TMEM182: variants seen among roughly 807,000 people sequenced by gnomAD.
TMEM182 encodes transmembrane protein 182.
In TMEM182, 20 loss-of-function variants were observed where a neutral mutation model predicts 26.8. That is an observed-to-expected ratio of 0.75 (90% CI 0.53 to 1.09). The LOEUF is 1.09. TMEM182 is among the 50% of genes least tolerant of loss of function. TMEM182 has a pLI of 0.00. For missense variants in TMEM182, 277 were observed against 275.5 expected (o/e 1.01, Z -0.04); for synonymous variants, 109 against 102.2 (o/e 1.07, Z -0.40).
At chr2:102,739,067 C>G (rs770760392) in intron 1 of TMEM182, among the ~76,000 whole-genome samples, 13 of 152,166 alleles carry the variant, frequency 8.5e-5, no homozygotes, top group African/African-American at 2.7e-4. Flanking sequence ...TGCGATTGCT[C>G]TCTTTTGTAG....
chr2:102,831,766 A>AG (rs1359096622), intron 3 of TMEM182, among the ~76,000 whole-genome samples: 1 of 152,092 alleles, frequency 6.6e-6, no homozygotes, highest in Non-Finnish European at 1.5e-5. Flanking sequence ...AAAAAAAAAA[A>AG]AGAAAAAGAA....
intron 3 of TMEM182, among the ~76,000 whole-genome samples, chr2:102,790,492 C>G (rs1681589857): frequency 1.3e-5 from 2 of 152,218 alleles, no homozygotes; most frequent in Non-Finnish European, 2.9e-5. Flanking sequence ...GATTCCCATT[C>G]TGCCACTAGC....
intron 3 of TMEM182, among the ~76,000 whole-genome samples, chr2:102,784,224 G>A (rs1558769991): frequency 1.3e-5 from 2 of 152,058 alleles, no homozygotes; most frequent in African/African-American, 4.8e-5. Context: ...TCCCCACTGG[G>A]TAGACTAGTT....
At chr2:102,837,537 G>A (rs1683267978) in intron 3 of TMEM182, among the ~76,000 whole-genome samples, 2 of 150,544 alleles carry the variant, frequency 1.3e-5, no homozygotes, top group Non-Finnish European at 3.0e-5. Flanking sequence ...CAGTGCTGTG[G>A]GGGGTTCGGG....
chr2:102,802,176 AT>A (rs1558781278), intron 4 of TMEM182, among the ~76,000 whole-genome samples: 1 of 152,136 alleles, frequency 6.6e-6, no homozygotes, highest in East Asian at 1.9e-4. Flanking sequence ...GCAGAGCTAA[AT>A]TTTCTATGAC....
At chr2:102,797,380 CT>C (rs1681912706) in intron 3 of TMEM182, among the ~76,000 whole-genome samples, 1 of 152,090 alleles carries the variant, frequency 6.6e-6, no homozygotes, top group South Asian at 2.1e-4. Context: ...CTTGGGGTGA[CT>C]ATTATCAGCT....
chr2:102,805,479 C>A (rs1310790651), intron 4 of TMEM182, among the ~76,000 whole-genome samples: 1 of 152,160 alleles, frequency 6.6e-6, no homozygotes, highest in Non-Finnish European at 1.5e-5. Flanking sequence ...TTGTTGGAGA[C>A]ATTCTGGTTC....
At chr2:102,746,401 CA>C (rs1424269466) in intron 1 of TMEM182, among the ~76,000 whole-genome samples, 1 of 152,046 alleles carries the variant, frequency 6.6e-6, no homozygotes, top group African/African-American at 2.4e-5. Context: ...TTATTGATAT[CA>C]ATGTCCTTTG....
At chr2:102,802,445 G>A (rs1682183507) in intron 4 of TMEM182, among the ~76,000 whole-genome samples, 1 of 152,180 alleles carries the variant, frequency 6.6e-6, no homozygotes, top group South Asian at 2.1e-4. Context: ...TCAGTTCTGG[G>A]CAAAGTGTAG....
At chr2:102,797,114 G>T (rs974218311) in intron 3 of TMEM182, among the ~76,000 whole-genome samples, 3 of 152,056 alleles carry the variant, frequency 2.0e-5, no homozygotes, top group Non-Finnish European at 2.9e-5. Context: ...TTTCTTACCA[G>T]CTGTTTCCAT....
At chr2:102,810,795 A>G (rs1010882811) in intron 4 of TMEM182, among the ~76,000 whole-genome samples, 1 of 152,158 alleles carries the variant, frequency 6.6e-6, no homozygotes, top group African/African-American at 2.4e-5. Context: ...ATGTATGACC[A>G]AATTTAAATG....
chr2:102,759,312 C>T (rs1185267564), upstream of TMEM182, among the ~76,000 whole-genome samples: 5 of 152,200 alleles, frequency 3.3e-5, no homozygotes, highest in Admixed American at 3.3e-4. Context: ...AACTGTACAA[C>T]CACTGCAACC....
At position 102,816,166 on chromosome 2, in the gene TMEM182, C is replaced by G. The variant is rs958722312; in HGVS notation, c.*1198C>G. 9.1e-6 allele frequency: 9 copies of G among 985,242 alleles called. No individual in the cohort carries two copies. The highest frequency in any genetic ancestry group is 1.2e-4 in the Admixed American group (2 of 16,246). 61.0% of individuals were successfully genotyped at this position (985,242 alleles called of 1,614,324 possible). On this transcript the variant is annotated 3_prime_UTR_variant, in exon 5 of 5. Transcript: ENST00000412401. ...ATTTGGCACTAATGTTGATTGAAAT[C>G]AAATCCATCTGAGATGCCTAGCTCG...
In TMEM182 at chr2:102,815,688, A is replaced by G; in HGVS notation, c.*720A>G. The G allele has an allele frequency of 7.1e-6, 7 of 981,716 alleles. No individual in the cohort carries two copies. The highest frequency in any genetic ancestry group is 7.3e-6 in the Non-Finnish European group (6 of 826,504). The allele number at this position is 981,716 out of a possible 1,614,324, so 60.8% of individuals were successfully genotyped here. A position where few individuals can be genotyped will look rare whatever the true frequency, so the allele number is the denominator to read the frequency against. On this transcript the variant is annotated 3_prime_UTR_variant, in exon 5 of 5. Transcript: ENST00000412401. The stretch of plus-strand genomic sequence containing the variant: ...TATGTATAACGTAGATTGAATTTTT[A>G]TGAACTTAAAGTGAGTTAATTGTAT...
downstream of TMEM182, among the ~76,000 whole-genome samples, chr2:102,822,198 A>T (rs1034538361): frequency 6.6e-6 from 1 of 152,130 alleles, no homozygotes; most frequent in Admixed American, 6.6e-5. Flanking sequence ...GGAGATGCAC[A>T]CTGGGGAGTC....
intron 1 of TMEM182, among the ~76,000 whole-genome samples, chr2:102,750,585 T>C (rs1484403369): frequency 6.6e-6 from 1 of 152,172 alleles, no homozygotes; most frequent in Non-Finnish European, 1.5e-5. Flanking sequence ...TTCCGGGTAT[T>C]CAATGGGTGA....
chr2:102,803,693 C>T (rs753645700), intron 4 of TMEM182, among the ~76,000 whole-genome samples: 5 of 152,196 alleles, frequency 3.3e-5, no homozygotes, highest in African/African-American at 4.8e-5. Flanking sequence ...TTTCCTTTGG[C>T]TGAGGCTGAA....
At chr2:102,795,494 C>T (rs1162907841) in intron 3 of TMEM182, among the ~76,000 whole-genome samples, 2 of 152,182 alleles carry the variant, frequency 1.3e-5, no homozygotes, top group Non-Finnish European at 2.9e-5. Flanking sequence ...TCCCTTTCTT[C>T]TGTGGTGGCA....
At position 102,775,211 on chromosome 2, in the gene TMEM182, C is replaced by T. The variant is rs542500207; in HGVS notation, c.331+10784C>T. The T allele has an allele frequency of 3.9e-5, 6 of 152,248 alleles. No individual in the cohort carries two copies. The South Asian group carries it at 1.2e-3, about 32-fold the overall frequency. 9.4% of individuals were successfully genotyped at this position (152,248 alleles called of 1,614,324 possible). The stretch of plus-strand genomic sequence containing the variant: ...CACCATGATCAAGTGGGCTTCATCC[C>T]TGGGATGCAAGGCTGGTTCAATATA... On this transcript the variant is annotated intron_variant, in intron 3 of 4. Coordinates refer to ENST00000412401, the MANE Select transcript of TMEM182 (RefSeq NM_144632.5).
Sources: allele counts gnomAD v4.1 joint callset (sites outside exome capture counted in the v4.1 genomes callset), GRCh38; gene constraint gnomAD v4.1.1; transcripts MANE v1.5; gene names NCBI Gene and HGNC (gene_info 2026-07-23, HGNC 2026-07-21).